The following CORO1C variants were observed in gnomAD, a reference collection of about 807,000 sequenced individuals.
CORO1C encodes coronin 1C.
CORO1C carries 14 observed loss-of-function variants against 51.2 expected under a neutral mutation model. The observed-to-expected ratio is 0.27, with a 90% CI of 0.18 to 0.43. CORO1C has a LOEUF of 0.43. Among genes scored for constraint, CORO1C ranks in the 20% least tolerant of loss-of-function variants. The pLI is 1.00. For missense variants in CORO1C, 417 were observed against 607.8 expected (o/e 0.69, Z 3.30); for synonymous variants, 181 against 210.5 (o/e 0.86, Z 1.21).
rs1261430488 is a variant in CORO1C, at chr12:108,652,319, A to T, written c.954T>A (p.Gly318=). 6.2e-7 allele frequency: 1 copy of T among 1,613,922 alleles called. No homozygotes were observed. Among genetic ancestry groups the T allele is most frequent in the Non-Finnish European group, 8.5e-7 (1 of 1,179,948 alleles). ...CATCAAGTCCCCTCTTGGGCATGTA[A>T]CCCATCCCTCTCTGAGGCTCCTTGC... ...FSSKEPQRGM[G]YMPKRGLDVN... Residue 318 remains glycine, a synonymous_variant, in exon 8 of 11, where the codon GGT becomes GGA. Transcript: ENST00000261401.
Position 108,654,421 on chromosome 12 carries a change from G to A in CORO1C, c.751-11C>T. 6.8e-7 allele frequency: 1 copy of A among 1,472,184 alleles called. No individual in the cohort carries two copies. Among genetic ancestry groups the A allele is most frequent in the East Asian group, 2.3e-5 (1 of 44,132 alleles). The allele number at this position is 1,472,184 out of a possible 1,614,324, so 91.2% of individuals were successfully genotyped here. A position where few individuals can be genotyped will look rare whatever the true frequency, so the allele number is the denominator to read the frequency against. On this transcript the variant is annotated splice_polypyrimidine_tract_variant and intron_variant, in intron 6 of 10. Coordinates refer to ENST00000261401, the MANE Select transcript of CORO1C (RefSeq NM_014325.4). ...TTCCTGCATATTTTTCTGGGGGGAA[G>A]ATAATAATAATACATATATGTGTAT...
intron 6 of CORO1C, among the ~76,000 whole-genome samples, chr12:108,655,389 C>A (rs977290258): frequency 1.3e-5 from 2 of 150,584 alleles, no homozygotes; most frequent in African/African-American, 4.9e-5. Context: ...TCCCTCTCCC[C>A]ACGGTCTCCC....
chr12:108,687,082 G>A (rs2034319594), intron 2 of CORO1C, among the ~76,000 whole-genome samples: 1 of 152,146 alleles, frequency 6.6e-6, no homozygotes, highest in African/African-American at 2.4e-5. Flanking sequence ...CTACAACACA[G>A]CCGAGTTCCT....
In CORO1C at chr12:108,677,918, C is replaced by G. The variant is rs978485945; in HGVS notation, c.318+354G>C. Among the ~76,000 whole-genome samples, 7 of 151,856 alleles carry G rather than the reference C, an allele frequency of 4.6e-5. 1 individual carries two copies. The highest frequency in any genetic ancestry group is 6.6e-5 in the Admixed American group (1 of 15,238). ...CCTGTAATCCCAATTACTCGGGAGG[C>G]TGAGGCAGGAGAATCACTTGAACCC... On this transcript the variant is annotated intron_variant, in intron 3 of 10. Coordinates refer to ENST00000261401, the MANE Select transcript of CORO1C (RefSeq NM_014325.4).
At chr12:108,714,895 G>T (rs1592945259) in intron 1 of CORO1C, among the ~76,000 whole-genome samples, 1 of 152,266 alleles carries the variant, frequency 6.6e-6, no homozygotes, top group African/African-American at 2.4e-5. Flanking sequence ...AAGAGACTTG[G>T]TTGGGGACCA....
chr12:108,683,437 G>GA (rs1278469611), intron 2 of CORO1C, among the ~76,000 whole-genome samples: 1 of 142,046 alleles, frequency 7.0e-6, no homozygotes. Context: ...AAAAAAAGAG[G>GA]AAAAAAAGAA....
intron 1 of CORO1C, among the ~76,000 whole-genome samples, chr12:108,723,851 T>C (rs1280185797): frequency 6.6e-6 from 1 of 152,214 alleles, no homozygotes; most frequent in African/African-American, 2.4e-5. Flanking sequence ...AATGCCAATT[T>C]TTCTGGCAAG....
intron 2 of CORO1C, among the ~76,000 whole-genome samples, chr12:108,692,372 G>A (rs970825968): frequency 1.3e-5 from 2 of 152,240 alleles, no homozygotes; most frequent in Admixed American, 6.5e-5. Context: ...AGGGCTACCG[G>A]CACTGCCACT....
chr12:108,690,956 C>CCTCTGTGAA (rs1328637725), intron 2 of CORO1C, among the ~76,000 whole-genome samples: 1 of 152,174 alleles, frequency 6.6e-6, no homozygotes, highest in Non-Finnish European at 1.5e-5. Flanking sequence ...CTACTGAAAC[C>CCTCTGTGAA]CTCTGTGAAC....
At chr12:108,703,031 C>T (rs374944087) in intron 1 of CORO1C, 5 of 1,293,020 alleles carry the variant, frequency 3.9e-6, no homozygotes, top group East Asian at 2.6e-5. Flanking sequence ...ACTTCTCAAG[C>T]GTGAGTTAGA....
At position 108,654,311 on chromosome 12, in the gene CORO1C, C is replaced by T; in HGVS notation, c.850G>A (p.Gly284Arg). The change falls in exon 7 of 11, where the codon GGA becomes AGA. Residue 284 changes from glycine (G) to arginine (R), a missense_variant. Coordinates refer to ENST00000261401, the MANE Select transcript of CORO1C (RefSeq NM_014325.4). ...ACATCAAAATTACTGTTTACCTTTC[C>T]ACATAAGTAAATGATGCTGGTGTCA... ...DPDTSIIYLC[G>R]KGDSSIRYFE... The T allele has an allele frequency of 6.2e-7, 1 of 1,600,074 alleles. No homozygotes were observed. The highest frequency in any genetic ancestry group is 8.6e-7 in the Non-Finnish European group (1 of 1,167,524).
chr12:108,715,976 C>A (rs1324986552), intron 1 of CORO1C, among the ~76,000 whole-genome samples: 4 of 151,290 alleles, frequency 2.6e-5, no homozygotes, highest in Non-Finnish European at 4.4e-5. Context: ...ACTAAAAATG[C>A]AAAAATTGGC....
chr12:108,648,790 C>T lies in CORO1C; in HGVS notation c.1120G>A (p.Ala374Thr). The T allele has an allele frequency of 1.2e-6, 2 of 1,614,232 alleles. No homozygotes were observed. Among genetic ancestry groups the T allele is most frequent in the Non-Finnish European group, 1.7e-6 (2 of 1,180,044 alleles). ...TTCTTGCCTTCGAACCACTCTTCTGCCTCCAGCGCGGCCTCTGGCCCCGCT... is the reference window on the plus strand; with the variant it reads ...TTCTTGCCTTCGAACCACTCTTCTGTCTCCAGCGCGGCCTCTGGCCCCGCT... ...DTAGPEAALEAEEWFEGKNAD... is the reference protein window; with the variant it reads ...DTAGPEAALETEEWFEGKNAD... The change falls in exon 10 of 11, where the codon GCA (alanine) becomes ACA (threonine). Residue 374 changes from alanine (A) to threonine (T), a missense_variant. By Grantham distance (58) the Ala-to-Thr change is moderately conservative (BLOSUM62 0). Coordinates refer to ENST00000261401, the MANE Select transcript of CORO1C (RefSeq NM_014325.4).
At chr12:108,667,429 C>T (rs1426466601) in intron 3 of CORO1C, among the ~76,000 whole-genome samples, 1 of 152,222 alleles carries the variant, frequency 6.6e-6, no homozygotes, top group Non-Finnish European at 1.5e-5. Flanking sequence ...AAAACAGACA[C>T]AAAACACCCA....
intron 6 of CORO1C, among the ~76,000 whole-genome samples, chr12:108,655,531 C>T (rs1035568105): frequency 1.3e-5 from 2 of 152,312 alleles, no homozygotes; most frequent in South Asian, 2.1e-4. Context: ...AAGCGCGCAC[C>T]GCCACGCCTG....
In CORO1C at chr12:108,647,302, G is replaced by C. The variant is rs553793390; in HGVS notation, c.*101C>G. On this transcript the variant is annotated 3_prime_UTR_variant, in exon 11 of 11. Transcript: ENST00000261401. ...ATCTGAAATGGAATGTCTCCAAATGGCAGTGCCTCCCTTTCCGCCCTCCCT... is the reference window on the plus strand; with the variant it reads ...ATCTGAAATGGAATGTCTCCAAATGCCAGTGCCTCCCTTTCCGCCCTCCCT... The C allele has an allele frequency of 1.9e-6, 2 of 1,043,416 alleles. No individual in the cohort carries two copies. The highest frequency in any genetic ancestry group is 1.6e-5 in the African/African-American group (1 of 60,844). 64.6% of individuals were successfully genotyped at this position (1,043,416 alleles called of 1,614,324 possible). A position where few individuals can be genotyped will look rare whatever the true frequency, so the allele number is the denominator to read the frequency against.
At chr12:108,654,593 G>A (rs2032847511) in intron 6 of CORO1C, among the ~76,000 whole-genome samples, 183 bp from the exon 7 acceptor site, 1 of 152,136 alleles carries the variant, frequency 6.6e-6, no homozygotes, top group African/African-American at 2.4e-5. Context: ...GATGCTAAAT[G>A]AGATCCAACT....
intron 3 of CORO1C, among the ~76,000 whole-genome samples, chr12:108,677,826 C>T (rs2033962134): frequency 6.6e-6 from 1 of 152,092 alleles, no homozygotes; most frequent in South Asian, 2.1e-4. Flanking sequence ...CGAGACCAGC[C>T]TGGCCAACAT....
chr12:108,692,834 G>A (rs1473602642), intron 2 of CORO1C, among the ~76,000 whole-genome samples: 1 of 114,084 alleles, frequency 8.8e-6, no homozygotes, highest in African/African-American at 3.5e-5. Context: ...GTCTTGCTCT[G>A]TCGCCCAGGC....
Sources: allele counts gnomAD v4.1 joint callset (sites outside exome capture counted in the v4.1 genomes callset), GRCh38; gene constraint gnomAD v4.1.1; transcripts MANE v1.5; gene names NCBI Gene and HGNC (gene_info 2026-07-23, HGNC 2026-07-21).